Variants in CLIP1 observed in about 807,000 individuals in gnomAD.
CLIP1 encodes CAP-Gly domain containing linker protein 1.
Under a neutral mutation model 161.6 loss-of-function variants are expected in CLIP1, and 66 were observed. The observed-to-expected ratio is 0.41, with a 90% confidence interval of 0.33 to 0.50. CLIP1 has a LOEUF of 0.50. Ranked by LOEUF, CLIP1 falls within the 20% of genes least tolerant of loss-of-function variation. The probability of loss-of-function intolerance (pLI) is 0.27; values close to 1 mark genes in which losing one functional copy is unlikely to be tolerated. For missense variants in CLIP1, 1,376 were observed against 1,702.0 expected, an observed-to-expected ratio of 0.81 and a Z score of 3.37; for synonymous variants, 598 against 626.2, an observed-to-expected ratio of 0.96 and a Z score of 0.67.
intron 15 of CLIP1, among the ~76,000 whole-genome samples, chr12:122,329,267 C>T (rs1180613470): frequency 6.6e-6 from 1 of 152,094 alleles, no homozygotes; most frequent in Non-Finnish European, 1.5e-5. Context: ...ACAGAGGTTG[C>T]AGTGAGCCAA....
chr12:122,414,388 G>A (rs987619077), intron 1 of CLIP1, among the ~76,000 whole-genome samples: 2 of 152,012 alleles, frequency 1.3e-5, no homozygotes, highest in Non-Finnish European at 2.9e-5. Context: ...GGACTCAAGC[G>A]ATCCTCCTGC....
chr12:122,298,398 C>T (rs1414138554), intron 20 of CLIP1, among the ~76,000 whole-genome samples: 3 of 151,808 alleles, frequency 2.0e-5, no homozygotes, highest in African/African-American at 7.3e-5. Context: ...CACCTGAGGT[C>T]GAGTTCAAAC....
chr12:122,383,226 G>A (rs937719065), intron 1 of CLIP1, among the ~76,000 whole-genome samples: 1 of 152,166 alleles, frequency 6.6e-6, no homozygotes, highest in African/African-American at 2.4e-5. Context: ...CTGTGGTTCT[G>A]GAAAACCTTT....
intron 19 of CLIP1, among the ~76,000 whole-genome samples, chr12:122,313,144 G>A (rs1348404503): frequency 3.3e-5 from 5 of 152,058 alleles, no homozygotes; most frequent in East Asian, 1.9e-4. Context: ...CCTCCCTCCC[G>A]TTAACAGTCC....
intron 4 of CLIP1, 123 bp downstream of exon 4, chr12:122,363,860 A>T: frequency 1.5e-6 from 2 of 1,356,388 alleles, no homozygotes; most frequent in Admixed American, 4.2e-5. Context: ...GATGGGTCTT[A>T]GGAAATAAAA....
At chr12:122,330,597 G>GTTTTTTTTTTTTGTT (rs376140195) in intron 15 of CLIP1, among the ~76,000 whole-genome samples, 1 of 101,404 alleles carries the variant, frequency 9.9e-6, no homozygotes, top group African/African-American at 4.4e-5. Flanking sequence ...GTATAATGCA[G>GTTTTTTTTTTTTGTT]TTTTTTTTTT....
chr12:122,409,261 G>A (rs1956440241), intron 1 of CLIP1, among the ~76,000 whole-genome samples: 1 of 151,348 alleles, frequency 6.6e-6, no homozygotes, highest in Non-Finnish European at 1.5e-5. Flanking sequence ...GAGTAGCTGG[G>A]ATTACAGGCA....
intron 1 of CLIP1, among the ~76,000 whole-genome samples, chr12:122,397,118 C>T (rs1380640134): frequency 2.6e-5 from 4 of 151,304 alleles, no homozygotes; most frequent in African/African-American, 7.3e-5. Flanking sequence ...TCCCAGCTCC[C>T]GCTACAGTTC....
In CLIP1 at chr12:122,274,832, G is replaced by A. The variant is rs12372571; in HGVS notation, c.3967-670C>T. On this transcript the variant is annotated intron_variant, in intron 24 of 25. Coordinates refer to ENST00000620786, the MANE Select transcript of CLIP1 (RefSeq NM_001247997.2). ...TGGGAATACATGTGTGAGCCACGGT[G>A]CCAGGCCATGAATTAATTAATTATT... 1,382 of 150,788 alleles carry A rather than the reference G, an allele frequency of 9.2e-3. 11 individuals are homozygous for A. Among genetic ancestry groups the A allele is most frequent in the Non-Finnish European group, 0.016 (1,060 of 67,816 alleles). The allele number at this position is 150,788 out of a possible 1,614,324, so 9.3% of individuals were successfully genotyped here. A position where few individuals can be genotyped will look rare whatever the true frequency, so the allele number is the denominator to read the frequency against.
At chr12:122,274,233 A>C (rs1955299108) in intron 24 of CLIP1, 71 bp from the exon 25 acceptor site, 4 of 1,360,042 alleles carry the variant, frequency 2.9e-6, no homozygotes, top group Non-Finnish European at 2.1e-6. Flanking sequence ...GAAGTCATGA[A>C]GTTTATACCT....
intron 20 of CLIP1, among the ~76,000 whole-genome samples, chr12:122,295,824 T>C (rs1375162013): frequency 6.6e-6 from 1 of 152,254 alleles, no homozygotes; most frequent in Non-Finnish European, 1.5e-5. Flanking sequence ...AATTGTTATA[T>C]CTTTCTGATG....
chr12:122,378,614 C>T (rs1173072330), intron 2 of CLIP1, among the ~76,000 whole-genome samples: 4 of 152,132 alleles, frequency 2.6e-5, no homozygotes, highest in Admixed American at 6.6e-5. Context: ...TTGCTACACC[C>T]GCCACCCTGC....
At chr12:122,312,412 T>TA (rs1037548219) in intron 19 of CLIP1, among the ~76,000 whole-genome samples, 2 of 152,172 alleles carry the variant, frequency 1.3e-5, no homozygotes, top group African/African-American at 4.8e-5. Flanking sequence ...AAAGAACAGT[T>TA]ACAAGTGCTG....
At chr12:122,363,083 A>G (rs947186288) in intron 4 of CLIP1, among the ~76,000 whole-genome samples, 2 of 152,236 alleles carry the variant, frequency 1.3e-5, no homozygotes, top group African/African-American at 4.8e-5. Flanking sequence ...TGTACTGTAT[A>G]CTACTAATAA....
At chr12:122,314,593 T>G (rs1251072677) in intron 19 of CLIP1, among the ~76,000 whole-genome samples, 1 of 152,164 alleles carries the variant, frequency 6.6e-6, no homozygotes, top group Non-Finnish European at 1.5e-5. Context: ...CATCACCTAG[T>G]AGGACCCAGG....
At chr12:122,347,553 G>A (rs935719173) in intron 9 of CLIP1, 74 bp from the exon 10 acceptor site, 48 of 1,140,246 alleles carry the variant, frequency 4.2e-5, no homozygotes, top group Middle Eastern at 4.8e-4. Flanking sequence ...GAGAGACAGC[G>A]GCATGCAGGC....
intron 19 of CLIP1, among the ~76,000 whole-genome samples, chr12:122,316,440 G>T (rs1430949323): frequency 1.3e-5 from 2 of 151,958 alleles, no homozygotes; most frequent in Non-Finnish European, 2.9e-5. Flanking sequence ...AAACTCCCAG[G>T]CTCAAGTGAT....
chr12:122,336,974 T>C (rs79359671), intron 11 of CLIP1, among the ~76,000 whole-genome samples: 2 of 151,490 alleles, frequency 1.3e-5, no homozygotes, highest in African/African-American at 4.8e-5. Context: ...TTTTTTTTTT[T>C]TCTCTTTCTT....
At chr12:122,366,638 C>T (rs1004635328) in intron 3 of CLIP1, among the ~76,000 whole-genome samples, 6 of 152,088 alleles carry the variant, frequency 3.9e-5, no homozygotes, top group Admixed American at 1.3e-4. Context: ...GCCAGGAGTT[C>T]GAGACCAGCT....
Sources: allele counts gnomAD v4.1 joint callset (sites outside exome capture counted in the v4.1 genomes callset), GRCh38; gene constraint gnomAD v4.1.1; transcripts MANE v1.5; gene names NCBI Gene and HGNC (gene_info 2026-07-23, HGNC 2026-07-21).